Variants in GCLC observed in about 807,000 individuals in gnomAD.
GCLC encodes glutamate-cysteine ligase catalytic subunit.
A neutral mutation model predicts 81.5 loss-of-function variants in GCLC; 30 were observed. That is an observed-to-expected ratio of 0.37 (90% CI 0.28 to 0.50). GCLC has a LOEUF of 0.50. GCLC is among the 20% of genes least tolerant of loss of function. GCLC has a pLI of 0.96. For missense variants in GCLC, 556 were observed against 777.4 expected, an observed-to-expected ratio of 0.72 and a Z score of 3.39; for synonymous variants, 262 against 273.3, an observed-to-expected ratio of 0.96 and a Z score of 0.41.
intron 3 of GCLC, among the ~76,000 whole-genome samples, chr6:53,520,110 T>C (rs1214552904): frequency 6.6e-6 from 1 of 152,214 alleles, no homozygotes; most frequent in Non-Finnish European, 1.5e-5. Context: ...TATTTTTACA[T>C]AGAGGTTCTA....
intron 13 of GCLC, 23 bp from the exon 14 acceptor site, chr6:53,500,373 G>A (rs769004768): frequency 1.2e-6 from 2 of 1,610,518 alleles, no homozygotes; most frequent in Non-Finnish European, 1.7e-6. Flanking sequence ...AGGGTCAGGG[G>A]AGCTTTAGCA....
At position 53,498,954 on chromosome 6, in the gene GCLC, T is replaced by C; in HGVS notation, c.1716A>G (p.Thr572=). The C allele has an allele frequency of 1.9e-6, 3 of 1,611,980 alleles. No individual in the cohort carries two copies. The highest frequency in any genetic ancestry group is 1.7e-6 in the Non-Finnish European group (2 of 1,178,148). ...IKKRASGELM[T]VARWMREFIA... ...TAAACTCCCTCATCCATCTGGCAAC[T>C]GTCATTAGTTCTCCTGTGGGCGAGG... Residue 572 remains threonine (T), a synonymous_variant, in exon 16 of 16, where the codon ACA becomes ACG. Transcript: ENST00000650454.
chr6:53,513,940 T>C (rs1001893689), intron 6 of GCLC: 3 of 434,964 alleles, frequency 6.9e-6, no homozygotes, highest in African/African-American at 5.9e-5. Context: ...TATATTGCAT[T>C]TTAAGTTAAC....
intron 1 of GCLC, among the ~76,000 whole-genome samples, chr6:53,528,875 AG>A (rs1763126481): frequency 6.6e-6 from 1 of 152,236 alleles, no homozygotes; most frequent in Non-Finnish European, 1.5e-5. Context: ...TAACTTGCCT[AG>A]ATTAGTGATA....
rs1434761493 is a variant in GCLC, at chr6:53,500,239, C to T, written c.1581+8G>A. 2 of 1,613,164 alleles carry T rather than the reference C, an allele frequency of 1.2e-6. No homozygotes were observed. The highest frequency in any genetic ancestry group is 2.7e-5 in the African/African-American group (2 of 74,890). Reference sequence around the variant, plus strand: ...AGTGAGGGGTACTGTACAGGGCCACCCTCCTACCTTCCCATTGATGATGGT... The same window carrying T: ...AGTGAGGGGTACTGTACAGGGCCACTCTCCTACCTTCCCATTGATGATGGT... On this transcript the variant is annotated splice_region_variant and intron_variant, in intron 14 of 15. Transcript: ENST00000650454.
chr6:53,542,753 T>G (rs887649929), intron 1 of GCLC, among the ~76,000 whole-genome samples: 2 of 151,054 alleles, frequency 1.3e-5, no homozygotes, highest in Non-Finnish European at 2.9e-5. Flanking sequence ...CATTGGCTCA[T>G]GCCTGTAATC....
In GCLC at chr6:53,506,220, C is replaced by G; in HGVS notation, c.1198-325G>C. ...ATCCCTGAGAATTTTAGGAGCCAGC[C>G]TGCCTTTCCAGGTGACACTGGACAC... is the stretch of plus-strand genomic sequence containing the variant. On this transcript the variant is annotated intron_variant, in intron 10 of 15. Coordinates refer to ENST00000650454, the MANE Select transcript of GCLC (RefSeq NM_001498.4). This position sits in a 1 kb window ranked among gnomAD's most constrained non-coding sequence, Gnocchi z 4.0. The G allele has an allele frequency of 8.4e-6, 3 of 355,678 alleles. No homozygotes were observed. The highest frequency in any genetic ancestry group is 7.0e-5 in the South Asian group (3 of 42,636). 22.0% of individuals were successfully genotyped at this position (355,678 alleles called of 1,614,324 possible).
chr6:53,544,710 A>G lies in GCLC; in HGVS notation c.-65T>C. On this transcript the variant is annotated 5_prime_UTR_variant, in exon 1 of 16. Coordinates refer to ENST00000650454, the MANE Select transcript of GCLC (RefSeq NM_001498.4). ...GGCGGTCGCCCGCTCCGGGCGCGAG[A>G]CGGACACTCAGCCGCCCGCAGAAGG... 2 of 1,491,256 alleles carry G rather than the reference A, an allele frequency of 1.3e-6. No homozygotes were observed. The highest frequency in any genetic ancestry group is 1.8e-6 in the Non-Finnish European group (2 of 1,112,458). The allele number at this position is 1,491,256 out of a possible 1,614,324, so 92.4% of individuals were successfully genotyped here.
At chr6:53,514,727 C>A (rs1387703052) in intron 4 of GCLC, among the ~76,000 whole-genome samples, 1 of 152,198 alleles carries the variant, frequency 6.6e-6, no homozygotes, top group African/African-American at 2.4e-5. Flanking sequence ...GCCGTTCTGT[C>A]TCCTGCTCAA....
intron 1 of GCLC, among the ~76,000 whole-genome samples, chr6:53,540,746 T>G (rs982307366): frequency 2.0e-5 from 3 of 150,996 alleles, no homozygotes; most frequent in Non-Finnish European, 4.4e-5. Context: ...GTCAACCCAC[T>G]ACTGAATCAT....
In GCLC at chr6:53,509,190, T is replaced by G; in HGVS notation, c.814A>C (p.Ile272Leu). The G allele has an allele frequency of 1.3e-6, 2 of 1,588,894 alleles. No homozygotes were observed. The highest frequency in any genetic ancestry group is 1.7e-6 in the Non-Finnish European group (2 of 1,157,050). ...TTTCTACTTACAACAATTGGACAGA[T>G]AGTAGCCAACTGATCATAAAGGTAT... ...ARYLYDQLATICPIVMALSAA... is the reference protein window; with the variant it reads ...ARYLYDQLATLCPIVMALSAA... Residue 272 changes from isoleucine to leucine, a missense_variant, in exon 7 of 16, where the codon ATC (isoleucine) becomes CTC (leucine). By Grantham distance (5) the Ile-to-Leu change is conservative. Around this residue, in one of 3 missense-constraint regions of GCLC, gnomAD observed 313 missense variants for 437.3 expected, o/e 0.72. Coordinates refer to ENST00000650454, the MANE Select transcript of GCLC (RefSeq NM_001498.4).
At chr6:53,530,252 G>A (rs1189151275) in intron 1 of GCLC, among the ~76,000 whole-genome samples, 1 of 152,144 alleles carries the variant, frequency 6.6e-6, no homozygotes, top group Non-Finnish European at 1.5e-5. Context: ...ACCATCATAC[G>A]AATCTGAGTG....
intron 1 of GCLC, among the ~76,000 whole-genome samples, chr6:53,536,501 T>C (rs1039764085): frequency 6.6e-6 from 1 of 152,208 alleles, no homozygotes; most frequent in Non-Finnish European, 1.5e-5. Flanking sequence ...CCTGATTATA[T>C]CATGAAATGT....
At chr6:53,500,591 T>G (rs1045791068) in intron 12 of GCLC, 78 bp from the exon 13 acceptor site, 73 of 979,372 alleles carry the variant, frequency 7.5e-5, no homozygotes, top group Non-Finnish European at 1.2e-4. Context: ...TCCTCACCTT[T>G]GCAATTAGGA....
In GCLC at chr6:53,500,282, T is replaced by G; in HGVS notation, c.1546A>C (p.Thr516Pro). The change falls in exon 14 of 16, where the codon ACC (threonine) becomes CCC (proline). Residue 516 changes from threonine (T) to proline (P), a missense_variant. Physicochemically the swap from Thr to Pro is conservative, Grantham distance 38. Coordinates refer to ENST00000650454, the MANE Select transcript of GCLC (RefSeq NM_001498.4). ...ATGATGGTGTCTATGCTCATGAGGGTGTACTCCTCTGCAGCGAGCTCCGTG... is the reference window on the plus strand; with the variant it reads ...ATGATGGTGTCTATGCTCATGAGGGGGTACTCCTCTGCAGCGAGCTCCGTG... ...NSTELAAEEY[T>P]LMSIDTIING... 6.2e-7 allele frequency: 1 copy of G among 1,614,102 alleles called. No homozygotes were observed. The highest frequency in any genetic ancestry group is 1.1e-5 in the South Asian group (1 of 91,076).
At chr6:53,524,287 G>A (rs1173797768) in intron 1 of GCLC, among the ~76,000 whole-genome samples, 2 of 152,192 alleles carry the variant, frequency 1.3e-5, no homozygotes, top group African/African-American at 2.4e-5. Flanking sequence ...AGCCAGCCCC[G>A]TCTGGCCTCA....
At chr6:53,522,762 A>C in intron 1 of GCLC, 1 of 407,752 alleles carries the variant, frequency 2.5e-6, no homozygotes, top group Non-Finnish European at 4.5e-6. Context: ...CCTACTTAAT[A>C]TCCTATGGAA....
At chr6:53,534,457 T>C (rs1763223687) in intron 1 of GCLC, among the ~76,000 whole-genome samples, 1 of 141,604 alleles carries the variant, frequency 7.1e-6, no homozygotes, top group Admixed American at 7.3e-5. Context: ...GGGCTAAATT[T>C]ACCCTCCTAC....
intron 12 of GCLC, among the ~76,000 whole-genome samples, chr6:53,501,985 C>T (rs1281168736): frequency 6.6e-6 from 1 of 152,222 alleles, no homozygotes; most frequent in African/African-American, 2.4e-5. Context: ...CTTTCCTACA[C>T]AATCTGTAAT....
Sources: allele counts gnomAD v4.1 joint callset (sites outside exome capture counted in the v4.1 genomes callset), GRCh38; gene constraint gnomAD v4.1.1; regional missense constraint gnomAD v4.1.1; non-coding constraint Gnocchi (gnomAD v3.1); transcripts MANE v1.5; gene names NCBI Gene and HGNC (gene_info 2026-07-23, HGNC 2026-07-21).